CDH16: variants seen among roughly 807,000 people sequenced by gnomAD.
CDH16 encodes cadherin 16, also known as cadherin-16.
Under a neutral mutation model 87.6 loss-of-function variants are expected in CDH16, and 79 were observed. The ratio of observed to expected loss-of-function variants is 0.90; its 90% CI spans 0.75 to 1.09. CDH16 has a LOEUF of 1.09. CDH16 is among the 50% of genes least tolerant of loss of function. The pLI, the probability that CDH16 is intolerant of heterozygous loss-of-function variation, is 0.00. For synonymous variants in CDH16, 457 were observed against 439.5 expected, an observed-to-expected ratio of 1.04 and a Z score of -0.50; for missense variants, 1,124 against 1,071.7, an observed-to-expected ratio of 1.05 and a Z score of -0.68.
Position 66,910,059 on chromosome 16 carries a change from C to G in CDH16, c.2202G>C (p.Trp734Cys). The part of the protein sequence containing the change: ...SHAYLTLALH[W>C]VEPREHIIPV... ...GGATTATGTGTTCACGTGGCTCCAC[C>G]CAATGCAGGGCCAAGGTGAGGTAGG... Residue 734 changes from tryptophan (W) to cysteine (C), a missense_variant, in exon 16 of 18, where the codon TGG (tryptophan) becomes TGC (cysteine). By Grantham distance (215) the Trp-to-Cys change is radical. Coordinates refer to ENST00000299752, the MANE Select transcript of CDH16 (RefSeq NM_004062.4). The G allele has an allele frequency of 1.2e-6, 2 of 1,612,980 alleles. No homozygotes were observed. The highest frequency in any genetic ancestry group is 1.7e-6 in the Non-Finnish European group (2 of 1,179,352).
chr16:66,912,991 C>CGTGTGTGTGT (rs112552212), intron 9 of CDH16, 100 bp from the exon 10 acceptor site: 10 of 1,115,068 alleles, frequency 9.0e-6, no homozygotes, highest in African/African-American at 7.9e-5. Context: ...AATTTGAGCT[C>CGTGTGTGTGT]GTGTGTGTGT....
intron 6 of CDH16, 45 bp downstream of exon 6, chr16:66,915,175 G>T: frequency 1.3e-6 from 2 of 1,537,522 alleles, no homozygotes; most frequent in South Asian, 1.2e-5. Flanking sequence ...ACCTTCTCCA[G>T]CTTTCTCTGA....
At chr16:66,915,886 G>C (rs1962656114) in intron 5 of CDH16, among the ~76,000 whole-genome samples, 179 bp downstream of exon 5, 1 of 151,994 alleles carries the variant, frequency 6.6e-6, no homozygotes, top group African/African-American at 2.4e-5. Flanking sequence ...GGGTGACAGT[G>C]AGTCTCCATC....
At chr16:66,908,535 G>A (rs1326011312) in intron 17 of CDH16, 46 bp from the exon 18 acceptor site, 10 of 1,451,984 alleles carry the variant, frequency 6.9e-6, no homozygotes, top group Non-Finnish European at 9.7e-6. Context: ...AGGGGCTGTG[G>A]GACTTGTTCA....
intron 1 of CDH16, among the ~76,000 whole-genome samples, 188 bp downstream of exon 1, chr16:66,918,616 C>T (rs1346617028): frequency 6.6e-6 from 1 of 152,316 alleles, no homozygotes; most frequent in East Asian, 1.9e-4. Flanking sequence ...GGAGCCCGGC[C>T]CTTGTCTCAT....
rs369005066 is a variant in CDH16 at position 66,909,314 on chromosome 16, G to A, written c.2345C>T (p.Thr782Met). 9.2e-5 allele frequency: 148 copies of A among 1,613,680 alleles called. 1 individual carries two copies. Among genetic ancestry groups the A allele is most frequent in the Non-Finnish European group, 1.2e-4 (141 of 1,179,936 alleles). The change falls in exon 17 of 18, where the codon ACG becomes ATG. Residue 782 changes from threonine to methionine, a missense_variant. Coordinates refer to ENST00000299752, the MANE Select transcript of CDH16 (RefSeq NM_004062.4). The surrounding 1 kb of genome is among the most constrained non-coding windows in gnomAD (Gnocchi z 4.1). ...AAGGATGCCCACTGCCGACAGCTTC[G>A]TGGGCATGCCCTTCATGCGGCCCAC... ...RKVGRMKGMP[T>M]KLSAVGILVG... is the part of the protein sequence containing the mutation.
In CDH16 at chr16:66,909,287, A is replaced by G. The variant is rs200736668; in HGVS notation, c.2372T>C (p.Val791Ala). The G allele has an allele frequency of 3.8e-5, 61 of 1,612,336 alleles. 1 individual carries two copies. In the Admixed American group the frequency reaches 9.3e-4, roughly 25 times the overall value. The change falls in exon 17 of 18, where the codon GTA becomes GCA. Residue 791 changes from valine (V) to alanine (A), a missense_variant. Physicochemically the swap from Val to Ala is moderately conservative, Grantham distance 64. Transcript: ENST00000299752. The surrounding 1 kb of genome is among the most constrained non-coding windows in gnomAD (Gnocchi z 4.1). ...PTKLSAVGIL[V>A]GTLVAIGIFL... ...ATTACCTATTGCTACCAGGGTGCCT[A>G]CAAGGATGCCCACTGCCGACAGCTT...
intron 17 of CDH16, 87 bp from the exon 18 acceptor site, chr16:66,908,576 A>G (rs1962263423): frequency 1.9e-6 from 2 of 1,036,198 alleles, no homozygotes; most frequent in African/African-American, 3.2e-5. Flanking sequence ...TTGGCATTGG[A>G]TTAATGAAGA....
chr16:66,909,185 G>A lies in CDH16; in HGVS notation c.2392+82C>T. ...CTTTTTCAGAGCTAGGGGCACCATG[G>A]GGACAAAGGTGTTTATTTGGAGGCT... On this transcript the variant is annotated intron_variant, in intron 17 of 17. Coordinates refer to ENST00000299752, the MANE Select transcript of CDH16 (RefSeq NM_004062.4). This position sits in a 1 kb window ranked among gnomAD's most constrained non-coding sequence, Gnocchi z 4.1. The A allele has an allele frequency of 1.1e-6, 1 of 876,896 alleles. No homozygotes were observed. The highest frequency in any genetic ancestry group is 1.8e-5 in the Admixed American group (1 of 56,720). 54.3% of individuals were successfully genotyped at this position (876,896 alleles called of 1,614,324 possible).
rs752919565 is a variant in CDH16, at chr16:66,913,599, C to T, written c.795G>A (p.Gly265=). The change falls in exon 8 of 18, where the codon GGG becomes GGA. Residue 265 remains glycine (G), a synonymous_variant. Transcript: ENST00000299752. ...PHHMAQVHWS[G]GDVHYHLESH... is the part of the protein sequence containing the mutation. ...TCTCCAGGTGATAGTGCACATCACCCCCACTCCAGTGTACCTGGGGGGGAC... is the reference window on the plus strand; with the variant it reads ...TCTCCAGGTGATAGTGCACATCACCTCCACTCCAGTGTACCTGGGGGGGAC... The T allele has an allele frequency of 2.5e-6, 4 of 1,614,026 alleles. No individual in the cohort carries two copies. Among genetic ancestry groups the T allele is most frequent in the Non-Finnish European group, 1.7e-6 (2 of 1,179,958 alleles).
chr16:66,910,325 G>A lies in CDH16; in HGVS notation c.2102C>T (p.Pro701Leu). ...KDPDLASGHG[P>L]YSFTLGPNPT... Reference sequence around the variant, plus strand: ...GTTGGGACCAAGGGTGAAGCTGTAGGGACCGTGCCCACTGGCCAGATCGGG... The same window carrying A: ...GTTGGGACCAAGGGTGAAGCTGTAGAGACCGTGCCCACTGGCCAGATCGGG... The change falls in exon 15 of 18, where the codon CCC (proline) becomes CTC (leucine). Residue 701 changes from proline (P) to leucine (L), a missense_variant. Pro to Leu is a moderately conservative substitution (Grantham distance 98). Transcript: ENST00000299752. The A allele has an allele frequency of 1.2e-6, 2 of 1,613,738 alleles. No homozygotes were observed. Among genetic ancestry groups the A allele is most frequent in the Non-Finnish European group, 8.5e-7 (1 of 1,179,828 alleles).
At chr16:66,908,787 G>A (rs1389240340) in intron 17 of CDH16, among the ~76,000 whole-genome samples, 1 of 152,182 alleles carries the variant, frequency 6.6e-6, no homozygotes, top group African/African-American at 2.4e-5. Context: ...CCAAGAGAAA[G>A]GCTCATCACA....
chr16:66,913,087 G>A, intron 9 of CDH16, 44 bp downstream of exon 9: 1 of 1,570,872 alleles, frequency 6.4e-7, no homozygotes, highest in Non-Finnish European at 8.6e-7. Flanking sequence ...AGCAAGACCA[G>A]GTGGTTAATA....
intron 3 of CDH16, 30 bp downstream of exon 3, chr16:66,917,612 C>G (rs956316463): frequency 1.9e-6 from 3 of 1,559,126 alleles, no homozygotes; most frequent in South Asian, 1.1e-5. Context: ...GAGGGATCCC[C>G]CCGGCCCCAA....
chr16:66,908,412 G>T lies in CDH16; in HGVS notation c.2470C>A (p.Pro824Thr), dbSNP rs1345724168. 1 of 1,613,976 alleles carries T rather than the reference G, an allele frequency of 6.2e-7. No homozygotes were observed. Among genetic ancestry groups the T allele is most frequent in the Admixed American group, 1.7e-5 (1 of 60,032 alleles). The change falls in exon 18 of 18, where the codon CCC becomes ACC. Residue 824 changes from proline to threonine, a missense_variant. Coordinates refer to ENST00000299752, the MANE Select transcript of CDH16 (RefSeq NM_004062.4). ...GCCATTCAGACAGTCGCCTTCAGGG[G>T]CACGCTGTCTGCTGGTTGATCCGGG... ...KDPDQPADSV[P>T]LKATV
intron 3 of CDH16, among the ~76,000 whole-genome samples, chr16:66,917,060 C>A (rs111553661): frequency 1.3e-5 from 2 of 151,220 alleles, no homozygotes; most frequent in African/African-American, 2.4e-5. Context: ...CCAAGACGGG[C>A]GGCTCACCTG....
Position 66,908,370 on chromosome 16 carries a change from C to A in CDH16, c.*22G>T, listed in dbSNP as rs1186369703. On this transcript the variant is annotated 3_prime_UTR_variant, in exon 18 of 18. Coordinates refer to ENST00000299752, the MANE Select transcript of CDH16 (RefSeq NM_004062.4). ...CAGATGGAGCCAGAGGCCAAGCTCC[C>A]AGCTAGAGCTGCCTGGGCCATTCAG... 1 of 1,605,922 alleles carries A rather than the reference C, an allele frequency of 6.2e-7. No homozygotes were observed. Among genetic ancestry groups the A allele is most frequent in the East Asian group, 2.2e-5 (1 of 44,840 alleles).
chr16:66,909,163 T>A lies in CDH16; in HGVS notation c.2392+104A>T. 1.3e-6 allele frequency: 1 copy of A among 770,422 alleles called. No individual in the cohort carries two copies. The highest frequency in any genetic ancestry group is 2.3e-6 in the Non-Finnish European group (1 of 432,094). 47.7% of individuals were successfully genotyped at this position (770,422 alleles called of 1,614,324 possible). ...GACTAGGAGAGTTGGGGGCTTCCTT[T>A]TTCAGAGCTAGGGGCACCATGGGGA... On this transcript the variant is annotated intron_variant, in intron 17 of 17. Transcript: ENST00000299752. The surrounding 1 kb of genome is among the most constrained non-coding windows in gnomAD (Gnocchi z 4.1).
chr16:66,915,197 C>A, intron 6 of CDH16, 23 bp downstream of exon 6: 1 of 1,586,342 alleles, frequency 6.3e-7, no homozygotes. Flanking sequence ...CCTCCCTCCC[C>A]AGCACACCCC....
Sources: allele counts gnomAD v4.1 joint callset (sites outside exome capture counted in the v4.1 genomes callset), GRCh38; gene constraint gnomAD v4.1.1; non-coding constraint Gnocchi (gnomAD v3.1); transcripts MANE v1.5; gene names NCBI Gene and HGNC (gene_info 2026-07-23, HGNC 2026-07-21).